Variants in C11orf65 observed in about 807,000 individuals in gnomAD.
C11orf65 encodes the protein chromosome 11 open reading frame 65.
C11orf65 carries 38 observed loss-of-function variants against 35.3 expected under a neutral mutation model. That is an observed-to-expected ratio of 1.08 (90% CI 0.83 to 1.41). The LOEUF is 1.41. Among genes scored for constraint, C11orf65 ranks in the 40% most tolerant of loss-of-function variants. C11orf65 has a pLI of 0.00. For missense variants in C11orf65, 370 were observed against 367.1 expected (o/e 1.01, Z -0.06); for synonymous variants, 105 against 114.4 (o/e 0.92, Z 0.53).
At chr11:108,392,937 C>T (rs2092200219) in intron 7 of C11orf65, among the ~76,000 whole-genome samples, 1 of 152,072 alleles carries the variant, frequency 6.6e-6, no homozygotes, top group African/African-American at 2.4e-5. Context: ...TTTTCTAAAT[C>T]CCAAAGTAAG....
rs1591760248 is a variant in C11orf65, at chr11:108,312,719, A to G, written c.641-3648T>C. Among the ~76,000 whole-genome samples the G allele has an allele frequency of 2.0e-5, 3 of 152,180 alleles. No homozygotes were observed. The East Asian group carries it at 5.8e-4, about 29-fold the overall frequency. On this transcript the variant is annotated intron_variant, in intron 6 of 6. Coordinates refer to the C11orf65 transcript ENST00000525729. ...ACTTCTTGAGTTCCTTATCTGAAAG[A>G]CGAAGGTAAAACCACCTGTCTCAGA... is the stretch of plus-strand genomic sequence containing the variant.
rs1042288533 is a variant in C11orf65, at chr11:108,365,210, A to G, written c.226+27998T>C. The stretch of plus-strand genomic sequence containing the variant: ...ATGCAGATGACCAAGAATGCAAACG[A>G]AATCTCAGGTGAGCAGTATTTTAAG... On this transcript the variant is annotated intron_variant, in intron 2 of 3. Transcript: ENST00000524755. The G allele has an allele frequency of 7.4e-6, 12 of 1,614,220 alleles. No individual in the cohort carries two copies. The highest frequency in any genetic ancestry group is 1.0e-5 in the Non-Finnish European group (12 of 1,180,042).
chr11:108,430,882 C>T (rs1167681220), intron 3 of C11orf65, among the ~76,000 whole-genome samples: 1 of 137,118 alleles, frequency 7.3e-6, no homozygotes, highest in Admixed American at 8.1e-5. Context: ...AAACCCAAAA[C>T]CCATAAGGAT....
chr11:108,420,785 A>G (rs2092804578), intron 3 of C11orf65, among the ~76,000 whole-genome samples: 1 of 151,718 alleles, frequency 6.6e-6, no homozygotes, highest in African/African-American at 2.4e-5. Flanking sequence ...TTAATTTTTT[A>G]TTTTTATTTT....
At chr11:108,466,960 C>G (rs2093547630) in intron 1 of C11orf65, among the ~76,000 whole-genome samples, 1 of 137,546 alleles carries the variant, frequency 7.3e-6, no homozygotes, top group Non-Finnish European at 1.5e-5. Flanking sequence ...ACCTGTGGTC[C>G]TTGATGCTAG....
chr11:108,364,523 A>T (rs1281505465), intron 2 of C11orf65, among the ~76,000 whole-genome samples: 2 of 152,186 alleles, frequency 1.3e-5, no homozygotes, highest in African/African-American at 4.8e-5. Context: ...GGTTTTGAGG[A>T]GGTTTCAACA....
At chr11:108,403,761 A>G (rs897571347) in intron 6 of C11orf65, among the ~76,000 whole-genome samples, 2 of 152,148 alleles carry the variant, frequency 1.3e-5, no homozygotes, top group African/African-American at 2.4e-5. Flanking sequence ...TTTTTTCCCA[A>G]TTAAGTTCCC....
At chr11:108,420,344 GGAA>G (rs1357502329) in intron 3 of C11orf65, among the ~76,000 whole-genome samples, 4 of 152,142 alleles carry the variant, frequency 2.6e-5, no homozygotes, top group African/African-American at 9.7e-5. Flanking sequence ...GAAAGGGGAG[GGAA>G]GAAGAACTGG....
At chr11:108,432,736 C>A (rs2093006930) in intron 2 of C11orf65, among the ~76,000 whole-genome samples, 1 of 152,026 alleles carries the variant, frequency 6.6e-6, no homozygotes, top group Non-Finnish European at 1.5e-5. Context: ...ATGGTACAGC[C>A]CATGTCTATA....
intron 2 of C11orf65, among the ~76,000 whole-genome samples, chr11:108,437,007 C>T (rs2093068957): frequency 6.9e-6 from 1 of 144,318 alleles, no homozygotes; most frequent in Non-Finnish European, 1.5e-5. Flanking sequence ...TCTATAGTTC[C>T]AGAACTTTGG....
At chr11:108,357,003 C>A (rs916466847) in intron 2 of C11orf65, among the ~76,000 whole-genome samples, 23 of 152,186 alleles carry the variant, frequency 1.5e-4, no homozygotes, top group Admixed American at 2.0e-4. Flanking sequence ...ATGCAGAAGA[C>A]AGGTGATTTC....
chr11:108,440,325 G>C (rs1340295801), intron 2 of C11orf65, among the ~76,000 whole-genome samples: 1 of 152,122 alleles, frequency 6.6e-6, no homozygotes, highest in Non-Finnish European at 1.5e-5. Flanking sequence ...ATAATTATGG[G>C]TTACGAATTC....
intron 2 of C11orf65, among the ~76,000 whole-genome samples, chr11:108,350,343 A>G (rs1373448276): frequency 6.6e-6 from 1 of 152,176 alleles, no homozygotes; most frequent in Non-Finnish European, 1.5e-5. Flanking sequence ...GAGTTAGGGA[A>G]AGAAGAGGGC....
intron 3 of C11orf65, among the ~76,000 whole-genome samples, chr11:108,418,561 T>A (rs1208313995): frequency 2.6e-5 from 4 of 151,966 alleles, no homozygotes; most frequent in Non-Finnish European, 4.4e-5. Context: ...CAGAAAAGGC[T>A]ACAAGTCAAT....
chr11:108,329,667 G>A (rs971115644), downstream of C11orf65, among the ~76,000 whole-genome samples: 1 of 152,038 alleles, frequency 6.6e-6, no homozygotes, highest in Non-Finnish European at 1.5e-5. Context: ...CACCTTGGCC[G>A]CCCAAAGTGC....
chr11:108,386,083 T>A, intron 7 of C11orf65, 108 bp from the exon 8 acceptor site: 3 of 864,636 alleles, frequency 3.5e-6, no homozygotes, highest in Non-Finnish European at 5.6e-6. Flanking sequence ...TGATGGCATG[T>A]TCACTAGCCT....
chr11:108,406,686 T>C, intron 5 of C11orf65, 77 bp downstream of exon 5: 1 of 969,544 alleles, frequency 1.0e-6, no homozygotes, highest in African/African-American at 1.7e-5. Flanking sequence ...TAAAAAATAA[T>C]TTTAAAATTA....
At chr11:108,330,450 C>G (rs777680063), downstream of C11orf65, 25 of 1,609,818 alleles carry the variant, frequency 1.6e-5, 1 homozygote, top group South Asian at 2.2e-4. Flanking sequence ...AATATTCTAC[C>G]CTGTGCTTGA....
At chr11:108,320,145 G>C in intron 6 of C11orf65, 2 of 1,018,320 alleles carry the variant, frequency 2.0e-6, no homozygotes, top group Non-Finnish European at 3.1e-6. Context: ...TTTAATGTAA[G>C]GATTTGCATT....
Sources: allele counts gnomAD v4.1 joint callset (sites outside exome capture counted in the v4.1 genomes callset), GRCh38; gene constraint gnomAD v4.1.1; transcripts MANE v1.5; gene names NCBI Gene and HGNC (gene_info 2026-07-23, HGNC 2026-07-21).